The following VRTN variants were observed in gnomAD, a reference collection of about 807,000 sequenced individuals.
VRTN encodes the protein vertebrae development associated.
A neutral mutation model predicts 18.2 loss-of-function variants in VRTN; 5 were observed. The observed-to-expected ratio is 0.27, with a 90% CI of 0.14 to 0.58. The LOEUF (loss-of-function observed/expected upper bound fraction) is 0.58, where lower values mean the gene tolerates loss of function less well. Among genes scored for constraint, VRTN ranks in the 20% least tolerant of loss-of-function variants. VRTN has a pLI of 0.91. For synonymous variants in VRTN, 381 were observed against 393.7 expected (o/e 0.97, Z 0.38); for missense variants, 741 against 939.4 (o/e 0.79, Z 2.76).
chr14:74,313,738 T>A (rs555199164), intron 1 of VRTN, among the ~76,000 whole-genome samples: 1 of 152,338 alleles, frequency 6.6e-6, no homozygotes, highest in East Asian at 1.9e-4. Context: ...TCCAGCACTT[T>A]GGTAAGCTGA....
chr14:74,357,520 T>A lies in VRTN; in HGVS notation c.737T>A (p.Val246Glu). 2 of 1,612,784 alleles carry A rather than the reference T, an allele frequency of 1.2e-6. No homozygotes were observed. The highest frequency in any genetic ancestry group is 8.5e-7 in the Non-Finnish European group (1 of 1,179,936). Residue 246 changes from valine (V) to glutamate (E), a missense_variant, in exon 2 of 2, where the codon GTG becomes GAG. Coordinates refer to ENST00000256362, the MANE Select transcript of VRTN (RefSeq NM_018228.3). The surrounding 1 kb of genome is among the most constrained non-coding windows in gnomAD (Gnocchi z 7.8). ...YFAPVVGLEE[V>E]EAEGAPGVAP... ...GCCCCTGTGGTGGGGCTGGAAGAGGTGGAGGCTGAAGGTGCCCCTGGCGTG... is the reference window on the plus strand; with the variant it reads ...GCCCCTGTGGTGGGGCTGGAAGAGGAGGAGGCTGAAGGTGCCCCTGGCGTG...
At chr14:74,339,845 T>C (rs1040179258) in intron 2 of VRTN, among the ~76,000 whole-genome samples, 6 of 152,130 alleles carry the variant, frequency 3.9e-5, no homozygotes, top group African/African-American at 1.4e-4. Context: ...TAGGAGAACA[T>C]GTCATAAAAG....
At chr14:74,335,332 C>T (rs1171645511) in intron 1 of VRTN, among the ~76,000 whole-genome samples, 1 of 152,152 alleles carries the variant, frequency 6.6e-6, no homozygotes, top group Non-Finnish European at 1.5e-5. Flanking sequence ...CATCCAATAA[C>T]CCTCAGTGGG....
At position 74,358,684 on chromosome 14, in the gene VRTN, G is replaced by A. The variant is rs1374911313; in HGVS notation, c.1901G>A (p.Gly634Asp). The change falls in exon 2 of 2, where the codon GGT (glycine) becomes GAT (aspartate). Residue 634 changes from glycine (G) to aspartate (D), a missense_variant. By Grantham distance (94) the Gly-to-Asp change is moderately conservative. Coordinates refer to ENST00000256362, the MANE Select transcript of VRTN (RefSeq NM_018228.3). This position sits in a 1 kb window ranked among gnomAD's most constrained non-coding sequence, Gnocchi z 5.4. Reference protein sequence around the residue: ...LLSQPVVAAAGGRDGRMLVMD... With the variant: ...LLSQPVVAAADGRDGRMLVMD... ...AGCCAACCTGTGGTGGCAGCAGCGG[G>A]TGGCAGGGATGGCCGGATGCTGGTG... is the stretch of plus-strand genomic sequence containing the variant. The A allele has an allele frequency of 3.7e-6, 6 of 1,613,720 alleles. No individual in the cohort carries two copies. In the African/African-American group the frequency reaches 4.0e-5, roughly 11 times the overall value.
intron 1 of VRTN, among the ~76,000 whole-genome samples, chr14:74,315,808 A>G (rs146530150): frequency 9.8e-5 from 15 of 152,286 alleles, no homozygotes; most frequent in African/African-American, 3.4e-4. Flanking sequence ...GAGATGAAGG[A>G]AGCATGATTG....
chr14:74,355,763 A>G (rs998990696), intron 1 of VRTN, among the ~76,000 whole-genome samples: 12 of 148,586 alleles, frequency 8.1e-5, no homozygotes, highest in Middle Eastern at 3.6e-3. Flanking sequence ...CTGGCCTCAA[A>G]CTCCTGACCT....
intron 1 of VRTN, among the ~76,000 whole-genome samples, chr14:74,314,659 T>TC: frequency 6.6e-6 from 1 of 152,152 alleles, no homozygotes; most frequent in Non-Finnish European, 1.5e-5. Context: ...TGCCTCGGCC[T>TC]CCCAAAGTGC....
intron 1 of VRTN, among the ~76,000 whole-genome samples, chr14:74,349,065 T>A (rs1256543856): frequency 6.6e-6 from 1 of 152,210 alleles, no homozygotes; most frequent in Admixed American, 6.5e-5. Context: ...CGGGAGCCTG[T>A]GCTGCTTCCC....
At chr14:74,313,756 A>G (rs760399469) in intron 1 of VRTN, among the ~76,000 whole-genome samples, 2 of 152,166 alleles carry the variant, frequency 1.3e-5, no homozygotes, top group Non-Finnish European at 2.9e-5. Flanking sequence ...TGAGACAGGA[A>G]GATTGCTTGA....
At chr14:74,324,387 CAAAAAAAA>C (rs34158619) in intron 1 of VRTN, among the ~76,000 whole-genome samples, 8 of 73,180 alleles carry the variant, frequency 1.1e-4, no homozygotes, top group African/African-American at 1.4e-4. Context: ...GACTCTGACT[CAAAAAAAA>C]AAAAAAAAAA....
intron 1 of VRTN, among the ~76,000 whole-genome samples, chr14:74,307,257 G>A (rs894890713): frequency 6.6e-6 from 1 of 150,522 alleles, no homozygotes; most frequent in Non-Finnish European, 1.5e-5. Context: ...AGCCTCCTGG[G>A]TAGTTGGATT....
chr14:74,329,521 C>T (rs969028261), intron 1 of VRTN, among the ~76,000 whole-genome samples: 1 of 152,034 alleles, frequency 6.6e-6, no homozygotes, highest in Non-Finnish European at 1.5e-5. Context: ...CCTTGACCCA[C>T]CTTGGGTCTA....
intron 1 of VRTN, among the ~76,000 whole-genome samples, chr14:74,321,625 C>T (rs1175168716): frequency 6.6e-6 from 1 of 151,124 alleles, no homozygotes; most frequent in Non-Finnish European, 1.5e-5. Context: ...CCTGCCTTAC[C>T]TCCTAAGTAG....
chr14:74,343,045 T>C (rs1487926992), intron 2 of VRTN, among the ~76,000 whole-genome samples: 1 of 152,144 alleles, frequency 6.6e-6, no homozygotes, highest in Non-Finnish European at 1.5e-5. Flanking sequence ...TGACAAAGAT[T>C]ATAAAACACT....
At chr14:74,325,229 C>T (rs2085480881) in intron 1 of VRTN, among the ~76,000 whole-genome samples, 1 of 151,948 alleles carries the variant, frequency 6.6e-6, no homozygotes, top group Admixed American at 6.6e-5. Context: ...TCCTGTGGGC[C>T]ATCTGTGGGA....
At chr14:74,306,907 C>CT (rs2085356197) in intron 1 of VRTN, among the ~76,000 whole-genome samples, 1 of 151,792 alleles carries the variant, frequency 6.6e-6, no homozygotes, top group South Asian at 2.1e-4. Flanking sequence ...CTCCTGGCCT[C>CT]TAGTTGTTTT....
chr14:74,318,185 T>C lies in VRTN; in HGVS notation c.-164+15009T>C, dbSNP rs191465702. Among the ~76,000 whole-genome samples the C allele has an allele frequency of 2.9e-3, 441 of 152,042 alleles. 4 individuals carry two copies. Among genetic ancestry groups the C allele is most frequent in the African/African-American group, 0.01 (416 of 41,484 alleles). ...AGACCTTAGTCTCGGCTCACTGCCA[T>C]CTCCACCTCCCAGGTTCAAGGGATT... is the stretch of plus-strand genomic sequence containing the variant. On this transcript the variant is annotated intron_variant, in intron 1 of 2. Coordinates refer to the VRTN transcript ENST00000557177.
intron 1 of VRTN, among the ~76,000 whole-genome samples, chr14:74,320,991 A>T (rs1034669128): frequency 1.3e-5 from 2 of 151,122 alleles, no homozygotes; most frequent in African/African-American, 4.9e-5. Flanking sequence ...GTGGATAAGG[A>T]TTGAGAATTG....
rs749103241 is a variant in VRTN, at chr14:74,358,601, G to A, written c.1818G>A (p.Glu606=). ...ATGTAGAGGGAGGGCCTTCCAGAGA[G>A]GGGGCCCTGCAGGAGGGGGCCACAG... ...SEDVEGGPSR[E]GALQEGATAQ... The change falls in exon 2 of 2, where the codon GAG becomes GAA. Residue 606 remains glutamate, a synonymous_variant. Coordinates refer to ENST00000256362, the MANE Select transcript of VRTN (RefSeq NM_018228.3). This position sits in a 1 kb window ranked among gnomAD's most constrained non-coding sequence, Gnocchi z 5.4. 1.2e-6 allele frequency: 2 copies of A among 1,600,242 alleles called. No homozygotes were observed. The highest frequency in any genetic ancestry group is 2.2e-5 in the East Asian group (1 of 44,758).
Sources: allele counts gnomAD v4.1 joint callset (sites outside exome capture counted in the v4.1 genomes callset), GRCh38; gene constraint gnomAD v4.1.1; non-coding constraint Gnocchi (gnomAD v3.1); transcripts MANE v1.5; gene names NCBI Gene and HGNC (gene_info 2026-07-23, HGNC 2026-07-21).